Variants in CCDC141 observed in about 807,000 individuals in gnomAD.
CCDC141 encodes coiled-coil domain-containing protein 141.
Under a neutral mutation model 181.0 loss-of-function variants are expected in CCDC141, and 168 were observed. The ratio of observed to expected loss-of-function variants is 0.93; its 90% CI spans 0.82 to 1.05. The LOEUF (loss-of-function observed/expected upper bound fraction) is 1.05, where lower values mean the gene tolerates loss of function less well. Ranked by LOEUF, CCDC141 falls within the 50% of genes least tolerant of loss-of-function variation. The pLI is 0.00. For synonymous variants in CCDC141, 666 were observed against 642.3 expected (o/e 1.04, Z -0.56); for missense variants, 1,902 against 1,788.5 (o/e 1.06, Z -1.14).
intron 2 of CCDC141, among the ~76,000 whole-genome samples, chr2:179,034,355 G>A (rs1194084864): frequency 2.0e-5 from 3 of 152,152 alleles, no homozygotes; most frequent in Admixed American, 1.3e-4. Context: ...GGAGGGTAGA[G>A]GGTGGGAGGA....
At chr2:178,983,803 T>C (rs935832192) in intron 2 of CCDC141, among the ~76,000 whole-genome samples, 4 of 151,058 alleles carry the variant, frequency 2.6e-5, no homozygotes, top group Non-Finnish European at 4.4e-5. Flanking sequence ...CTCCAAGAAA[T>C]ATGGGACTAT....
chr2:178,979,782 C>G (rs377415687), intron 2 of CCDC141, among the ~76,000 whole-genome samples: 4 of 152,242 alleles, frequency 2.6e-5, no homozygotes, highest in African/African-American at 9.6e-5. Flanking sequence ...ACCTTTGTAT[C>G]TGTGGCACTG....
chr2:179,022,003 C>A (rs1160817765), intron 2 of CCDC141, among the ~76,000 whole-genome samples: 1 of 152,122 alleles, frequency 6.6e-6, no homozygotes, highest in Non-Finnish European at 1.5e-5. Flanking sequence ...CTTATAAATG[C>A]GTCTCCTTAA....
intron 4 of CCDC141, among the ~76,000 whole-genome samples, chr2:178,970,652 A>G (rs931791134): frequency 2.0e-5 from 3 of 152,260 alleles, no homozygotes; most frequent in Admixed American, 6.5e-5. Flanking sequence ...TGTAAGACCT[A>G]GGACCATAAA....
Position 178,850,267 on chromosome 2 carries a change from G to A in CCDC141, c.3245-106C>T, listed in dbSNP as rs893559099. Reference sequence around the variant, plus strand: ...TGTCCAGTGTAAGGGCTGATAAATTGTAAGTTCTTAATAAATATTTGCTGA... The same window carrying A: ...TGTCCAGTGTAAGGGCTGATAAATTATAAGTTCTTAATAAATATTTGCTGA... On this transcript the variant is annotated intron_variant, in intron 20 of 23. Coordinates refer to ENST00000443758, the MANE Select transcript of CCDC141 (RefSeq NM_173648.4). 2.4e-5 allele frequency: 15 copies of A among 633,554 alleles called. No individual in the cohort carries two copies. The East Asian group carries it at 3.2e-4, about 14-fold the overall frequency. 39.2% of individuals were successfully genotyped at this position (633,554 alleles called of 1,614,324 possible). A position where few individuals can be genotyped will look rare whatever the true frequency, so the allele number is the denominator to read the frequency against.
rs182057509 is a variant in CCDC141, at chr2:178,905,135, T to A, written c.1265+194A>T. ...TATGTAAGTCTCCAGGCTCAGAATATGGCCTCACTTCTGGATGAGCAATGG... is the reference window on the plus strand; with the variant it reads ...TATGTAAGTCTCCAGGCTCAGAATAAGGCCTCACTTCTGGATGAGCAATGG... On this transcript the variant is annotated intron_variant, in intron 8 of 23. Transcript: ENST00000443758. Among the ~76,000 whole-genome samples the A allele has an allele frequency of 1.7e-3, 252 of 152,298 alleles. 2 individuals are homozygous for A. The highest frequency in any genetic ancestry group is 1.9e-3 in the Non-Finnish European group (127 of 68,030).
At chr2:178,901,065 C>T (rs932051743) in intron 8 of CCDC141, among the ~76,000 whole-genome samples, 3 of 152,012 alleles carry the variant, frequency 2.0e-5, no homozygotes, top group Non-Finnish European at 2.9e-5. Flanking sequence ...CAAGGCATCT[C>T]GAATTTGTGG....
chr2:178,960,717 AC>A (rs1324247084), intron 5 of CCDC141, among the ~76,000 whole-genome samples: 1 of 151,844 alleles, frequency 6.6e-6, no homozygotes, highest in East Asian at 1.9e-4. Context: ...AAACTCATCA[AC>A]CCCCAAAGCC....
Position 178,837,146 on chromosome 2 carries a change from GT to G in CCDC141, c.4072del (p.Thr1358ProfsTer47). On this transcript the variant is annotated frameshift_variant, in exon 23 of 24. Transcript: ENST00000443758. LOFTEE classifies it high-confidence loss of function. ...AGAGGAAGCATGCAGCCTATCTTGGGTTTTAGTGAAGTTATTATCAGCATGC... is the reference window on the plus strand; with the variant it reads ...AGAGGAAGCATGCAGCCTATCTTGGGTTTAGTGAAGTTATTATCAGCATGC... ...KMHADNNFTK[T>X]QDRLHASSDA... is the part of the protein sequence containing the mutation. 3.1e-6 allele frequency: 5 copies of G among 1,613,906 alleles called. No homozygotes were observed. The highest frequency in any genetic ancestry group is 4.2e-6 in the Non-Finnish European group (5 of 1,179,952).
At chr2:179,047,215 C>T in intron 2 of CCDC141, 69 bp downstream of exon 2, 2 of 1,381,202 alleles carry the variant, frequency 1.4e-6, no homozygotes, top group Non-Finnish European at 1.9e-6. Flanking sequence ...GCAGAGGAAT[C>T]AAGAAGTATA....
chr2:178,997,475 C>T (rs967978276), intron 2 of CCDC141, among the ~76,000 whole-genome samples: 1 of 152,070 alleles, frequency 6.6e-6, no homozygotes, highest in Non-Finnish European at 1.5e-5. Context: ...GGCATGATAC[C>T]CCAGCATGCC....
intron 4 of CCDC141, among the ~76,000 whole-genome samples, chr2:178,970,982 G>A (rs1690859724): frequency 6.6e-6 from 1 of 152,182 alleles, no homozygotes; most frequent in African/African-American, 2.4e-5. Context: ...GGCTGAGGCG[G>A]GCAGATCACG....
In CCDC141 at chr2:179,047,368, CT is replaced by C; in HGVS notation, c.140del (p.Gln47ArgfsTer5). On this transcript the variant is annotated frameshift_variant, in exon 2 of 24. Coordinates refer to ENST00000443758, the MANE Select transcript of CCDC141 (RefSeq NM_173648.4). LOFTEE classifies it high-confidence loss of function. The part of the protein sequence containing the change: ...KWVQLQLAES[Q>X]PNLLEIGSSQ... ...TGCTGCCAATTTCTAGAAGATTGGG[CT>C]GTGATTCAGCCAGTTGAAGTTGTAC... The C allele has an allele frequency of 6.5e-7, 1 of 1,538,330 alleles. No homozygotes were observed. Among genetic ancestry groups the C allele is most frequent in the Non-Finnish European group, 8.7e-7 (1 of 1,143,284 alleles).
At chr2:179,014,570 A>G (rs1412596863) in intron 2 of CCDC141, among the ~76,000 whole-genome samples, 1 of 152,014 alleles carries the variant, frequency 6.6e-6, no homozygotes, top group African/African-American at 2.4e-5. Context: ...CAAACAAATC[A>G]GCAAGAAAAA....
At chr2:178,904,650 C>T (rs1185402809) in intron 8 of CCDC141, among the ~76,000 whole-genome samples, 1 of 152,114 alleles carries the variant, frequency 6.6e-6, no homozygotes, top group East Asian at 1.9e-4. Context: ...GATATGCATT[C>T]CACTATCTGC....
At chr2:178,918,981 C>T in intron 6 of CCDC141, 74 bp from the exon 7 acceptor site, 1 of 1,319,806 alleles carries the variant, frequency 7.6e-7, no homozygotes, top group South Asian at 1.4e-5. Context: ...CCCCGAAATT[C>T]CTCTGCTGAA....
chr2:178,837,066 G>A lies in CCDC141; in HGVS notation c.4153C>T (p.Gln1385Ter). ...TTAATCTCTTCTCGAGGAACCATTT[G>A]CCTCTGATAGCCCCTGCTGGTGCCT... ...QSGTSRGYQRQMVPREEIKST... is the reference protein window; with the variant it reads ...QSGTSRGYQR Residue 1385 changes from glutamine (Q) to a stop codon, truncating the protein, a stop_gained, in exon 23 of 24, where the codon CAA becomes TAA. Coordinates refer to ENST00000443758, the MANE Select transcript of CCDC141 (RefSeq NM_173648.4). LOFTEE classifies it high-confidence loss of function. The A allele has an allele frequency of 1.2e-6, 2 of 1,614,000 alleles. No homozygotes were observed. The highest frequency in any genetic ancestry group is 1.7e-6 in the Non-Finnish European group (2 of 1,179,968).
intron 2 of CCDC141, among the ~76,000 whole-genome samples, chr2:179,028,713 C>A (rs1047352697): frequency 2.0e-5 from 3 of 152,130 alleles, no homozygotes; most frequent in Admixed American, 6.5e-5. Flanking sequence ...TAATTCATTA[C>A]TTTATCAAAA....
chr2:178,821,945 G>C, the CCDC141 span, among the ~76,000 whole-genome samples: 1 of 152,098 alleles, frequency 6.6e-6, no homozygotes, highest in African/African-American at 2.4e-5. Flanking sequence ...CTGCTATAAA[G>C]ACACATGCAC....
Sources: gnomAD v4.1 joint callset for allele counts (sites outside exome capture counted in the v4.1 genomes callset) on GRCh38, gnomAD v4.1.1 for gene constraint, MANE v1.5 for transcripts, NCBI Gene and HGNC (gene_info 2026-07-23, HGNC 2026-07-21) for gene names.